Variants in STXBP5L observed in about 807,000 individuals in gnomAD.
STXBP5L encodes the protein syntaxin binding protein 5L, also known as syntaxin-binding protein 5-like.
Under a neutral mutation model 144.5 loss-of-function variants are expected in STXBP5L, and 65 were observed. The ratio of observed to expected loss-of-function variants is 0.45; its 90% CI spans 0.37 to 0.55. The LOEUF is 0.55. Among genes scored for constraint, STXBP5L ranks in the 20% least tolerant of loss-of-function variants. The pLI, the probability that STXBP5L is intolerant of heterozygous loss-of-function variation, is 0.00. For synonymous variants in STXBP5L, 505 were observed against 469.6 expected (o/e 1.08, Z -0.97); for missense variants, 1,298 against 1,405.5 (o/e 0.92, Z 1.22).
intron 11 of STXBP5L, among the ~76,000 whole-genome samples, chr3:121,230,576 G>T (rs2049273910): frequency 6.6e-6 from 1 of 151,862 alleles, no homozygotes; most frequent in African/African-American, 2.4e-5. Context: ...TTTGCCAAAA[G>T]ATTTCTAAGT....
At chr3:121,297,709 G>A (rs775327965) in intron 19 of STXBP5L, among the ~76,000 whole-genome samples, 9 of 152,230 alleles carry the variant, frequency 5.9e-5, no homozygotes, top group East Asian at 1.9e-4. Context: ...AGCCAAAATC[G>A]CGCCACTGCA....
At chr3:120,972,829 G>A (rs963666761) in intron 3 of STXBP5L, among the ~76,000 whole-genome samples, 5 of 152,016 alleles carry the variant, frequency 3.3e-5, no homozygotes, top group African/African-American at 1.2e-4. Context: ...AGATTATCAG[G>A]TAGTTTTTAT....
chr3:121,390,110 T>C (rs1352090759), intron 22 of STXBP5L, among the ~76,000 whole-genome samples: 1 of 152,254 alleles, frequency 6.6e-6, no homozygotes, highest in East Asian at 1.9e-4. Flanking sequence ...TTAGCTCTTC[T>C]TGTTGAGTTG....
At chr3:121,013,724 T>C (rs1944944909) in intron 3 of STXBP5L, among the ~76,000 whole-genome samples, 1 of 151,732 alleles carries the variant, frequency 6.6e-6, no homozygotes, top group Non-Finnish European at 1.5e-5. Context: ...TTGAGGTTAA[T>C]ATCTAGAAGG....
intron 5 of STXBP5L, among the ~76,000 whole-genome samples, chr3:121,100,047 TTAAC>T (rs2043333766): frequency 6.6e-6 from 1 of 152,188 alleles, no homozygotes; most frequent in South Asian, 2.1e-4. Context: ...ACATGAAAAT[TTAAC>T]TATCCCAAAT....
intron 3 of STXBP5L, among the ~76,000 whole-genome samples, chr3:120,969,410 T>C (rs1576519946): frequency 1.3e-5 from 2 of 150,326 alleles, no homozygotes; most frequent in African/African-American, 4.8e-5. Flanking sequence ...TTTTTTTTTT[T>C]TCTTGTTAAT....
intron 10 of STXBP5L, among the ~76,000 whole-genome samples, chr3:121,213,219 T>C (rs548666644): frequency 6.6e-6 from 1 of 152,308 alleles, no homozygotes; most frequent in South Asian, 2.1e-4. Context: ...TCTTGCCTGA[T>C]TGCCCTGGCC....
intron 9 of STXBP5L, among the ~76,000 whole-genome samples, chr3:121,180,895 CAAGAG>C (rs573231887): frequency 3.0e-5 from 4 of 133,260 alleles, no homozygotes; most frequent in East Asian, 2.2e-4. Context: ...GAAGAGAAGA[CAAGAG>C]AAGAGAAGAG....
intron 3 of STXBP5L, among the ~76,000 whole-genome samples, chr3:120,973,048 C>G (rs1000874662): frequency 2.0e-5 from 3 of 151,942 alleles, no homozygotes; most frequent in Admixed American, 6.6e-5. Flanking sequence ...TGTTGTGTGT[C>G]CCTGCCTGGC....
intron 3 of STXBP5L, among the ~76,000 whole-genome samples, chr3:121,033,761 G>C (rs1946552009): frequency 6.6e-6 from 1 of 151,522 alleles, no homozygotes; most frequent in Admixed American, 6.6e-5. Flanking sequence ...ATAAATTATA[G>C]TGTTTTATAT....
intron 3 of STXBP5L, among the ~76,000 whole-genome samples, chr3:120,999,689 A>G (rs1041732349): frequency 6.6e-6 from 1 of 151,928 alleles, no homozygotes; most frequent in African/African-American, 2.4e-5. Context: ...GTGTACTTAC[A>G]TATGTTTTTG....
intron 20 of STXBP5L, among the ~76,000 whole-genome samples, chr3:121,363,084 T>C (rs888288559): frequency 1.3e-5 from 2 of 152,110 alleles, no homozygotes; most frequent in Non-Finnish European, 2.9e-5. Context: ...TGCCCTATCC[T>C]GATGTGACTG....
At chr3:121,352,730 T>A (rs992573731) in intron 20 of STXBP5L, among the ~76,000 whole-genome samples, 2 of 151,742 alleles carry the variant, frequency 1.3e-5, no homozygotes, top group Admixed American at 1.3e-4. Flanking sequence ...TAAATAGGAG[T>A]GGTGAGAGAG....
At chr3:121,020,777 C>G (rs997965697) in intron 3 of STXBP5L, among the ~76,000 whole-genome samples, 5 of 151,142 alleles carry the variant, frequency 3.3e-5, no homozygotes, top group Non-Finnish European at 5.9e-5. Flanking sequence ...AATCTTGAAA[C>G]AAATCCTTGA....
chr3:121,118,011 T>C (rs916853385), intron 6 of STXBP5L, among the ~76,000 whole-genome samples: 1 of 151,740 alleles, frequency 6.6e-6, no homozygotes, highest in African/African-American at 2.4e-5. Flanking sequence ...AAGCTTTTTT[T>C]CCACATATGA....
intron 5 of STXBP5L, among the ~76,000 whole-genome samples, chr3:121,050,127 C>A (rs1947848867): frequency 6.6e-6 from 1 of 152,158 alleles, no homozygotes. Context: ...CCCATGTTTC[C>A]ACCTGGATGT....
At chr3:121,155,879 A>G (rs2046095083) in intron 8 of STXBP5L, among the ~76,000 whole-genome samples, 1 of 151,892 alleles carries the variant, frequency 6.6e-6, no homozygotes, top group Non-Finnish European at 1.5e-5. Context: ...AAATTCAGTG[A>G]AATAAGAAAG....
chr3:121,345,783 G>A (rs1235029351), intron 20 of STXBP5L, among the ~76,000 whole-genome samples: 2 of 151,952 alleles, frequency 1.3e-5, no homozygotes, highest in African/African-American at 4.8e-5. Context: ...TTTCTCATGT[G>A]TCTGTTGGCT....
intron 20 of STXBP5L, among the ~76,000 whole-genome samples, chr3:121,321,681 C>T (rs1337388386): frequency 6.6e-6 from 1 of 152,112 alleles, no homozygotes; most frequent in African/African-American, 2.4e-5. Flanking sequence ...AATATTTTTT[C>T]AGTAGTTACC....
Sources: allele counts gnomAD v4.1 joint callset (sites outside exome capture counted in the v4.1 genomes callset), GRCh38; gene constraint gnomAD v4.1.1; transcripts MANE v1.5; gene names NCBI Gene and HGNC (gene_info 2026-07-23, HGNC 2026-07-21).